Variants in STK32B observed in about 807,000 individuals in gnomAD.
STK32B encodes the protein serine/threonine kinase 32B, also known as serine/threonine-protein kinase 32B.
Under a neutral mutation model 52.6 loss-of-function variants are expected in STK32B, and 43 were observed. The ratio of observed to expected loss-of-function variants is 0.82; its 90% CI spans 0.64 to 1.05. The LOEUF is 1.05. Ranked by LOEUF, STK32B falls within the 50% of genes least tolerant of loss-of-function variation. The pLI is 0.00. For synonymous variants in STK32B, 238 were observed against 204.3 expected, an observed-to-expected ratio of 1.17 and a Z score of -1.41; for missense variants, 621 against 534.6, an observed-to-expected ratio of 1.16 and a Z score of -1.59.
intron 1 of STK32B, among the ~76,000 whole-genome samples, chr4:5,061,815 T>C (rs1403697610): frequency 6.6e-6 from 1 of 152,184 alleles, no homozygotes; most frequent in African/African-American, 2.4e-5. Context: ...GTTCAGTGTT[T>C]GTCGCCTCCC....
intron 6 of STK32B, 66 bp from the exon 7 acceptor site, chr4:5,446,607 T>A: frequency 3.2e-6 from 4 of 1,252,092 alleles, no homozygotes; most frequent in Non-Finnish European, 4.6e-6. Flanking sequence ...CCTTGTCCCC[T>A]CTCTAAGGGG....
At chr4:5,179,856 T>G (rs1028624632) in intron 3 of STK32B, among the ~76,000 whole-genome samples, 3 of 152,252 alleles carry the variant, frequency 2.0e-5, no homozygotes, top group Non-Finnish European at 2.9e-5. Flanking sequence ...TAGCTTTATT[T>G]TCAGAGCCAC....
chr4:5,043,112 CAAAAAAAA>C, the STK32B span, among the ~76,000 whole-genome samples: 2 of 74,370 alleles, frequency 2.7e-5, no homozygotes, highest in African/African-American at 1.1e-4. Flanking sequence ...GACTCCGTCT[CAAAAAAAA>C]AAAAAAAAAA....
chr4:5,400,270 T>C lies in STK32B; in HGVS notation c.472+2026T>C, dbSNP rs1217516797. On this transcript the variant is annotated intron_variant, in intron 5 of 11. Coordinates refer to ENST00000282908, the MANE Select transcript of STK32B (RefSeq NM_018401.3). This position sits in a 1 kb window ranked among gnomAD's most constrained non-coding sequence, Gnocchi z 6.1. ...AGCCTCCCCTAGGTTTTCTCTTTCC[T>C]GCCTTTTGGATTTCCATCCATCCCA... Among the ~76,000 whole-genome samples the C allele has an allele frequency of 6.6e-6, 1 of 152,196 alleles. No individual in the cohort carries two copies. Among genetic ancestry groups the C allele is most frequent in the African/African-American group, 2.4e-5 (1 of 41,466 alleles).
chr4:5,294,057 T>C (rs1223962283), intron 3 of STK32B, among the ~76,000 whole-genome samples: 1 of 152,174 alleles, frequency 6.6e-6, no homozygotes, highest in Non-Finnish European at 1.5e-5. Context: ...CCTTTCCCCA[T>C]TGGTTGTTTT....
rs865856181 is a variant in STK32B, at chr4:5,242,074, C to T, written c.260+73624C>T. On this transcript the variant is annotated intron_variant, in intron 3 of 11. Coordinates refer to ENST00000282908, the MANE Select transcript of STK32B (RefSeq NM_018401.3). ...GTCTTTATGGCAGCATGATTTATAA[C>T]CCTTTGGGTATATACCCAGTAATGG... Among the ~76,000 whole-genome samples, 344 of 152,222 alleles carry T rather than the reference C, an allele frequency of 2.3e-3. 1 individual carries two copies. Among genetic ancestry groups the T allele is most frequent in the Non-Finnish European group, 4.0e-3 (274 of 68,008 alleles).
the STK32B span, among the ~76,000 whole-genome samples, chr4:5,027,713 T>A: frequency 6.6e-6 from 1 of 151,960 alleles, no homozygotes; most frequent in South Asian, 2.1e-4. Context: ...GTTACAGGAG[T>A]GATGATGGGC....
At chr4:5,457,114 G>A (rs1039447952) in intron 8 of STK32B, among the ~76,000 whole-genome samples, 191 bp downstream of exon 8, 12 of 152,244 alleles carry the variant, frequency 7.9e-5, no homozygotes, top group Non-Finnish European at 1.5e-4. Flanking sequence ...AGCACACCTC[G>A]GAGGACTGTG....
At chr4:5,070,312 T>C (rs962000106) in intron 1 of STK32B, among the ~76,000 whole-genome samples, 1 of 152,142 alleles carries the variant, frequency 6.6e-6, no homozygotes, top group Non-Finnish European at 1.5e-5. Context: ...TTGCTGCTGA[T>C]GTGGATCAAG....
intron 6 of STK32B, among the ~76,000 whole-genome samples, chr4:5,446,287 C>T (rs976241741): frequency 1.3e-5 from 2 of 152,170 alleles, no homozygotes; most frequent in African/African-American, 4.8e-5. Context: ...GATTTCTGAC[C>T]GGATGCGATG....
intron 3 of STK32B, among the ~76,000 whole-genome samples, chr4:5,250,148 A>C (rs535115370): frequency 1.3e-5 from 2 of 152,042 alleles, no homozygotes; most frequent in African/African-American, 2.4e-5. Flanking sequence ...TTCTTTATCC[A>C]GTCTGCTATT....
intron 3 of STK32B, among the ~76,000 whole-genome samples, chr4:5,243,748 G>A (rs572395924): frequency 6.6e-6 from 1 of 152,066 alleles, no homozygotes; most frequent in Non-Finnish European, 1.5e-5. Flanking sequence ...TTTGAGATAT[G>A]TCCCATCAAT....
intron 9 of STK32B, among the ~76,000 whole-genome samples, chr4:5,465,074 A>C (rs985057710): frequency 1.3e-5 from 2 of 152,160 alleles, no homozygotes; most frequent in African/African-American, 2.4e-5. Context: ...CCGCGAACCC[A>C]AGGAGGGTCC....
At chr4:5,146,964 C>T (rs1199005732) in intron 2 of STK32B, among the ~76,000 whole-genome samples, 1 of 152,132 alleles carries the variant, frequency 6.6e-6, no homozygotes, top group Non-Finnish European at 1.5e-5. Flanking sequence ...TGTGGAATTA[C>T]AATTGGTCAA....
At chr4:5,036,322 G>A in the STK32B span, among the ~76,000 whole-genome samples, 1 of 152,136 alleles carries the variant, frequency 6.6e-6, no homozygotes, top group Non-Finnish European at 1.5e-5. Flanking sequence ...CGTGAATACT[G>A]GCTGGAAAAA....
At chr4:5,490,695 G>C (rs1719648537) in intron 11 of STK32B, among the ~76,000 whole-genome samples, 1 of 152,132 alleles carries the variant, frequency 6.6e-6, no homozygotes, top group Non-Finnish European at 1.5e-5. Flanking sequence ...TTTAGCATTA[G>C]GTATATCTCC....
chr4:5,465,899 T>C (rs185360820), intron 9 of STK32B, among the ~76,000 whole-genome samples: 1 of 152,228 alleles, frequency 6.6e-6, no homozygotes, highest in Admixed American at 6.5e-5. Flanking sequence ...TTTATAGATA[T>C]TATATTATTA....
intron 3 of STK32B, among the ~76,000 whole-genome samples, chr4:5,330,417 A>T (rs62300008): frequency 0.089 from 13,612 of 152,236 alleles, 1,324 homozygotes; most frequent in African/African-American, 0.22. Flanking sequence ...TTGGTACTGT[A>T]TCAATTTTCT....
intron 5 of STK32B, among the ~76,000 whole-genome samples, chr4:5,412,889 T>C (rs1455430254): frequency 6.6e-6 from 1 of 152,090 alleles, no homozygotes; most frequent in East Asian, 1.9e-4. Context: ...ATCAAAACCC[T>C]CTCACTTGGA....
Sources: gnomAD v4.1 joint callset for allele counts (sites outside exome capture counted in the v4.1 genomes callset) on GRCh38, gnomAD v4.1.1 for gene constraint, Gnocchi (gnomAD v3.1) non-coding constraint, MANE v1.5 for transcripts, NCBI Gene and HGNC (gene_info 2026-07-23, HGNC 2026-07-21) for gene names.